SAE1: variants seen among roughly 807,000 people sequenced by gnomAD.
SAE1 encodes SUMO1 activating enzyme subunit 1, also known as SUMO-activating enzyme subunit 1.
Under a neutral mutation model 40.6 loss-of-function variants are expected in SAE1, and 11 were observed. The observed-to-expected ratio is 0.27, with a 90% CI of 0.17 to 0.45. The LOEUF (loss-of-function observed/expected upper bound fraction) is 0.45, where lower values mean the gene tolerates loss of function less well. SAE1 is among the 20% of genes least tolerant of loss of function. The pLI is 1.00. For missense variants in SAE1, 373 were observed against 427.3 expected (o/e 0.87, Z 1.12); for synonymous variants, 155 against 154.3 (o/e 1.00, Z -0.03).
chr19:47,205,854 GTGTGGTGCCAGGA>G (rs2058684139), intron 8 of SAE1, among the ~76,000 whole-genome samples: 2 of 152,330 alleles, frequency 1.3e-5, no homozygotes, highest in South Asian at 2.1e-4. Context: ...AGGCTAGTGA[GTGTGGTGCCAGGA>G]TGTGGGCCCA....
chr19:47,196,510 C>T (rs983233804), intron 6 of SAE1, among the ~76,000 whole-genome samples: 3 of 150,648 alleles, frequency 2.0e-5, no homozygotes, highest in South Asian at 4.2e-4. Context: ...ACTACAGGCA[C>T]GTGTCACCAC....
chr19:47,130,897 C>T lies in SAE1; in HGVS notation c.-34C>T, dbSNP rs953237432. The T allele has an allele frequency of 5.8e-6, 9 of 1,547,362 alleles. No homozygotes were observed. The highest frequency in any genetic ancestry group is 2.0e-5 in the Admixed American group (1 of 50,722). On this transcript the variant is annotated 5_prime_UTR_variant, in exon 1 of 9. Coordinates refer to ENST00000270225, the MANE Select transcript of SAE1 (RefSeq NM_005500.3). The stretch of plus-strand genomic sequence containing the variant: ...GGGTCCGGCGGGCGGTTGGCTTGAG[C>T]GGGACCGGAGCTGAGGCAGGAAGAG...
chr19:47,206,778 A>G (rs749332124), intron 8 of SAE1, among the ~76,000 whole-genome samples: 6 of 152,118 alleles, frequency 3.9e-5, no homozygotes, highest in East Asian at 1.9e-4. Flanking sequence ...TCCTGGCCCT[A>G]TTATTATTAA....
intron 5 of SAE1, among the ~76,000 whole-genome samples, chr19:47,168,540 C>T (rs1203351306): frequency 6.6e-6 from 1 of 152,114 alleles, no homozygotes; most frequent in Non-Finnish European, 1.5e-5. Context: ...GTGATCATGC[C>T]ACTTTGGCCT....
At chr19:47,183,258 A>G (rs2058522512) in intron 6 of SAE1, among the ~76,000 whole-genome samples, 1 of 151,874 alleles carries the variant, frequency 6.6e-6, no homozygotes, top group South Asian at 2.1e-4. Context: ...TTAAATCTTC[A>G]TGACAGCCTT....
intron 5 of SAE1, among the ~76,000 whole-genome samples, chr19:47,160,452 T>G (rs923604422): frequency 4.2e-5 from 6 of 143,170 alleles, no homozygotes; most frequent in African/African-American, 1.0e-4. Context: ...TGGAGTGCAG[T>G]GGTGCGATCT....
At chr19:47,160,454 G>A (rs2058353082) in intron 5 of SAE1, among the ~76,000 whole-genome samples, 4 of 145,544 alleles carry the variant, frequency 2.7e-5, no homozygotes, top group African/African-American at 5.1e-5. Flanking sequence ...GAGTGCAGTG[G>A]TGCGATCTCA....
At chr19:47,165,306 T>C (rs957185410) in intron 5 of SAE1, among the ~76,000 whole-genome samples, 6 of 151,908 alleles carry the variant, frequency 3.9e-5, no homozygotes, top group Non-Finnish European at 8.8e-5. Flanking sequence ...GCCAGGCTGG[T>C]CTCGAACTCC....
chr19:47,160,433 C>G (rs1205805291), intron 5 of SAE1, among the ~76,000 whole-genome samples: 1 of 136,570 alleles, frequency 7.3e-6, no homozygotes, highest in Admixed American at 8.0e-5. Context: ...CTCGCTCTGT[C>G]GCCCAGGCTG....
intron 7 of SAE1, among the ~76,000 whole-genome samples, chr19:47,199,492 G>A (rs1712711809): frequency 6.6e-6 from 1 of 151,962 alleles, no homozygotes; most frequent in Non-Finnish European, 1.5e-5. Context: ...GGTGGGCAGG[G>A]AAGGAACCAC....
At chr19:47,155,431 A>T (rs1010719955) in intron 5 of SAE1, among the ~76,000 whole-genome samples, 3 of 152,060 alleles carry the variant, frequency 2.0e-5, no homozygotes, top group Admixed American at 2.0e-4. Context: ...ACAATGAGAA[A>T]TGCAAACTTT....
At chr19:47,160,327 T>TTCTC (rs2058351823) in intron 5 of SAE1, among the ~76,000 whole-genome samples, 1 of 148,696 alleles carries the variant, frequency 6.7e-6, no homozygotes, top group Admixed American at 6.9e-5. Flanking sequence ...GTTTAAGCGA[T>TTCTC]TCTCCTGCGT....
intron 6 of SAE1, among the ~76,000 whole-genome samples, chr19:47,187,229 C>T (rs1474625058): frequency 6.6e-6 from 1 of 152,224 alleles, no homozygotes; most frequent in East Asian, 1.9e-4. Flanking sequence ...GTGTCCCTAC[C>T]TCCTCCCCCA....
chr19:47,156,719 A>G (rs534724321), intron 5 of SAE1, among the ~76,000 whole-genome samples: 7 of 152,216 alleles, frequency 4.6e-5, no homozygotes, highest in South Asian at 2.1e-4. Flanking sequence ...GGGTTCCACC[A>G]TGTTGGCCAG....
chr19:47,193,442 AGAGT>A (rs2058592446), intron 6 of SAE1, among the ~76,000 whole-genome samples: 1 of 151,952 alleles, frequency 6.6e-6, no homozygotes, highest in Non-Finnish European at 1.5e-5. Context: ...AAAAGAGAAG[AGAGT>A]AACATTCTCA....
At position 47,152,838 on chromosome 19, in the gene SAE1, T is replaced by C. The variant is rs975133063; in HGVS notation, c.385-60T>C. 4.9e-5 allele frequency: 75 copies of C among 1,525,450 alleles called. No individual in the cohort carries two copies. The South Asian group carries it at 7.8e-4, about 16-fold the overall frequency. The allele number at this position is 1,525,450 out of a possible 1,614,324, so 94.5% of individuals were successfully genotyped here. Reference sequence around the variant, plus strand: ...CTGTTCATTAAGATTTATTTAGACATCAGGGCAGTGATTCACAGTTTGCAA... The same window carrying C: ...CTGTTCATTAAGATTTATTTAGACACCAGGGCAGTGATTCACAGTTTGCAA... On this transcript the variant is annotated intron_variant, in intron 3 of 8. Transcript: ENST00000270225.
chr19:47,180,271 G>A (rs957614148), intron 6 of SAE1: 7 of 456,098 alleles, frequency 1.5e-5, no homozygotes, highest in Non-Finnish European at 3.1e-5. Flanking sequence ...TGGAGAAATG[G>A]CTGTTTCCAG....
rs2058622367 is a variant in SAE1 at position 47,197,301 on chromosome 19, T to C, written c.802T>C (p.Leu268=). The C allele has an allele frequency of 6.2e-7, 1 of 1,613,870 alleles. No homozygotes were observed. Among genetic ancestry groups the C allele is most frequent in the African/African-American group, 1.3e-5 (1 of 74,912 alleles). The part of the protein sequence containing the change: ...SSDTYEEDSE[L]LLQIRNDVLD... ...TGATACATATGAGGAAGATTCTGAG[T>C]TGTTGCTCCAGATACGAAATGATGT... The change falls in exon 7 of 9, where the codon TTG becomes CTG. Residue 268 remains leucine (L), a synonymous_variant. Coordinates refer to ENST00000270225, the MANE Select transcript of SAE1 (RefSeq NM_005500.3).
chr19:47,170,361 T>C (rs536905696), intron 6 of SAE1, among the ~76,000 whole-genome samples: 1 of 152,020 alleles, frequency 6.6e-6, no homozygotes, highest in African/African-American at 2.4e-5. Flanking sequence ...ATGACAGGCA[T>C]GCACCACTGC....
Sources: gnomAD v4.1 joint callset for allele counts (sites outside exome capture counted in the v4.1 genomes callset) on GRCh38, gnomAD v4.1.1 for gene constraint, MANE v1.5 for transcripts, NCBI Gene and HGNC (gene_info 2026-07-23, HGNC 2026-07-21) for gene names.